DYM: variants seen among roughly 807,000 people sequenced by gnomAD.
DYM encodes dymeclin.
In DYM, 78 loss-of-function variants were observed where a neutral mutation model predicts 93.1. That is an observed-to-expected ratio of 0.84 (90% CI 0.70 to 1.01). The LOEUF (loss-of-function observed/expected upper bound fraction) is 1.01. DYM is among the 50% of genes least tolerant of loss of function. DYM has a pLI of 0.00. For synonymous variants in DYM, 321 were observed against 319.7 expected (o/e 1.00, Z -0.04); for missense variants, 789 against 845.0 (o/e 0.93, Z 0.82).
rs2082112613 is a variant in DYM at position 49,118,580 on chromosome 18, C to T, written c.1911+164G>A. 4 of 672,234 alleles carry T rather than the reference C, an allele frequency of 6.0e-6. No homozygotes were observed. In the South Asian group the frequency reaches 7.0e-5, roughly 12 times the overall value. 41.6% of individuals were successfully genotyped at this position (672,234 alleles called of 1,614,324 possible). A position where few individuals can be genotyped will look rare whatever the true frequency, so the allele number is the denominator to read the frequency against. ...AATATGTATGTGTGTGTATATACAACACACACACAGATTACCACAACTATT... is the reference window on the plus strand; with the variant it reads ...AATATGTATGTGTGTGTATATACAATACACACACAGATTACCACAACTATT... On this transcript the variant is annotated intron_variant, in intron 16 of 17. Transcript: ENST00000675505.
chr18:49,216,298 T>G (rs1295545473), intron 13 of DYM, among the ~76,000 whole-genome samples: 1 of 152,190 alleles, frequency 6.6e-6, no homozygotes, highest in Non-Finnish European at 1.5e-5. Context: ...CCTGCCTGCC[T>G]TTGTAGGCTC....
In DYM at chr18:49,258,944, G is replaced by A. The variant is rs1439070979; in HGVS notation, c.1252-451C>T. ...CTGGGCAGCATAGCAGCCAAATCTG[G>A]GCTGCCCCAAAGAAAGAGGTAAAAT... is the stretch of plus-strand genomic sequence containing the variant. On this transcript the variant is annotated intron_variant, in intron 11 of 17. Transcript: ENST00000675505. Among the ~76,000 whole-genome samples, 9 of 147,612 alleles carry A rather than the reference G, an allele frequency of 6.1e-5. No individual in the cohort carries two copies. In the Admixed American group the frequency reaches 6.2e-4, roughly 10 times the overall value.
In DYM at chr18:49,414,851, C is replaced by T. The variant is rs569209725; in HGVS notation, c.140+15404G>A. On this transcript the variant is annotated intron_variant, in intron 2 of 17. Transcript: ENST00000675505. ...CATATTTATTTGTTCACTTGTTTAT[C>T]GCTCATCTCCTCTAGTAACATATAA... Among the ~76,000 whole-genome samples, 97 of 152,240 alleles carry T rather than the reference C, an allele frequency of 6.4e-4. 1 individual carries two copies. The highest frequency in any genetic ancestry group is 1.5e-3 in the South Asian group (7 of 4,826).
In DYM at chr18:49,293,144, A is replaced by C. The variant is rs2060276252; in HGVS notation, c.764-6528T>G. Reference sequence around the variant, plus strand: ...TTCCAGCTTCATCCATGTCCCTGCAAAGGACATGAATTCATCTTTTTTATG... The same window carrying C: ...TTCCAGCTTCATCCATGTCCCTGCACAGGACATGAATTCATCTTTTTTATG... On this transcript the variant is annotated intron_variant, in intron 8 of 17. Transcript: ENST00000675505. 1.3e-5 allele frequency among the ~76,000 whole-genome samples: 2 copies of C among 152,184 alleles called. 1 individual carries two copies. Among genetic ancestry groups the C allele is most frequent in the South Asian group, 4.1e-4 (2 of 4,822 alleles).
At chr18:49,287,421 C>A (rs2059734096) in intron 8 of DYM, among the ~76,000 whole-genome samples, 1 of 151,120 alleles carries the variant, frequency 6.6e-6, no homozygotes, top group African/African-American at 2.4e-5. Flanking sequence ...AAACCTCTAG[C>A]CAAAAATTCA....
intron 5 of DYM, among the ~76,000 whole-genome samples, chr18:49,370,445 T>TA (rs1358265791): frequency 2.0e-5 from 3 of 151,926 alleles, no homozygotes; most frequent in African/African-American, 4.8e-5. Flanking sequence ...TTCCCTCATT[T>TA]AAAAAATAAA....
chr18:49,313,259 T>C, intron 8 of DYM, among the ~76,000 whole-genome samples: 1 of 147,964 alleles, frequency 6.8e-6, no homozygotes, highest in East Asian at 2.0e-4. Context: ...AGATCAGGAG[T>C]TCAAGACCAG....
intron 1 of DYM, among the ~76,000 whole-genome samples, chr18:49,444,021 T>C (rs1600315658): frequency 6.6e-6 from 1 of 152,232 alleles, no homozygotes; most frequent in Admixed American, 6.5e-5. Flanking sequence ...TAGAATCTGC[T>C]AAGATGTGTA....
intron 15 of DYM, among the ~76,000 whole-genome samples, chr18:49,148,916 A>G (rs886258910): frequency 8.5e-5 from 13 of 152,330 alleles, no homozygotes; most frequent in African/African-American, 3.1e-4. Context: ...ACTCAAGCAC[A>G]TTACATTTAT....
intron 13 of DYM, among the ~76,000 whole-genome samples, chr18:49,244,568 T>C (rs1211954544): frequency 6.6e-6 from 1 of 152,232 alleles, no homozygotes; most frequent in African/African-American, 2.4e-5. Context: ...ATGTTGTCAC[T>C]GTCCATAGAC....
intron 8 of DYM, among the ~76,000 whole-genome samples, chr18:49,289,741 A>G (rs865955168): frequency 0.21 from 6,212 of 28,906 alleles, 307 homozygotes; most frequent in Non-Finnish European, 0.29. Context: ...ATATATATAT[A>G]TATATATATA....
At chr18:49,408,788 C>A (rs1255955041) in intron 2 of DYM, among the ~76,000 whole-genome samples, 2 of 152,152 alleles carry the variant, frequency 1.3e-5, no homozygotes, top group Admixed American at 6.5e-5. Flanking sequence ...GACCTAAATT[C>A]TTTAGCTGTC....
intron 8 of DYM, among the ~76,000 whole-genome samples, chr18:49,324,584 C>T (rs1429744424): frequency 2.6e-5 from 4 of 152,144 alleles, no homozygotes; most frequent in African/African-American, 7.2e-5. Flanking sequence ...ACATGGCTGG[C>T]ATATTCACTT....
In DYM at chr18:49,040,761, T is replaced by C. The variant is rs2070880797; in HGVS notation, c.*3294A>G. Reference sequence around the variant, plus strand: ...AGCAAGTGCCAAAAATTTATGGCTCTGCAAAAAAGCACAGGGTGACTCAAT... The same window carrying C: ...AGCAAGTGCCAAAAATTTATGGCTCCGCAAAAAAGCACAGGGTGACTCAAT... On this transcript the variant is annotated 3_prime_UTR_variant, in exon 18 of 18. Transcript: ENST00000675505. 1.3e-5 allele frequency among the ~76,000 whole-genome samples: 2 copies of C among 152,212 alleles called. No individual in the cohort carries two copies. Among genetic ancestry groups the C allele is most frequent in the South Asian group, 4.1e-4 (2 of 4,836 alleles).
intron 13 of DYM, among the ~76,000 whole-genome samples, chr18:49,251,371 G>A (rs903304783): frequency 3.3e-5 from 5 of 152,150 alleles, no homozygotes; most frequent in African/African-American, 1.2e-4. Context: ...ATGGCAGTTA[G>A]GTACAACTTC....
At chr18:49,444,096 C>G (rs2081901071) in intron 1 of DYM, among the ~76,000 whole-genome samples, 1 of 152,156 alleles carries the variant, frequency 6.6e-6, no homozygotes, top group Non-Finnish European at 1.5e-5. Flanking sequence ...AATTTACAAG[C>G]CTTGTGAAAT....
In DYM at chr18:49,426,392, G is replaced by C. The variant is rs1429153543; in HGVS notation, c.140+3863C>G. Reference sequence around the variant, plus strand: ...TGGGGAACATCACACACTGGGGCCTGTTGTGGGGTGGGGGGAGGGGGGAGG... The same window carrying C: ...TGGGGAACATCACACACTGGGGCCTCTTGTGGGGTGGGGGGAGGGGGGAGG... On this transcript the variant is annotated intron_variant, in intron 2 of 17. Coordinates refer to ENST00000675505, the MANE Select transcript of DYM (RefSeq NM_001353214.3). 5.6e-5 allele frequency among the ~76,000 whole-genome samples: 6 copies of C among 106,198 alleles called. No homozygotes were observed. The East Asian group carries it at 1.7e-3, about 29-fold the overall frequency. 69.7% of individuals were successfully genotyped at this position (106,198 alleles called of 152,430 possible).
At position 49,257,121 on chromosome 18, in the gene DYM, G is replaced by T; in HGVS notation, c.1366-17C>A. On this transcript the variant is annotated splice_polypyrimidine_tract_variant and intron_variant, in intron 12 of 17. Coordinates refer to ENST00000675505, the MANE Select transcript of DYM (RefSeq NM_001353214.3). ...GTACTTGTCCTGTGAGGAAACAGCG[G>T]GTGTAAAACATACAATCAAGTCTTC... The T allele has an allele frequency of 6.3e-7, 1 of 1,586,146 alleles. No homozygotes were observed. The highest frequency in any genetic ancestry group is 8.7e-7 in the Non-Finnish European group (1 of 1,154,696).
At chr18:49,192,282 A>T (rs1193958642) in intron 14 of DYM, among the ~76,000 whole-genome samples, 3 of 152,022 alleles carry the variant, frequency 2.0e-5, no homozygotes, top group Non-Finnish European at 2.9e-5. Context: ...TGGGAATAAT[A>T]ATATCTCATA....
Sources: gnomAD v4.1 joint callset for allele counts (sites outside exome capture counted in the v4.1 genomes callset) on GRCh38, gnomAD v4.1.1 for gene constraint, MANE v1.5 for transcripts, NCBI Gene and HGNC (gene_info 2026-07-23, HGNC 2026-07-21) for gene names.